XIRP2: variants seen among roughly 807,000 people sequenced by gnomAD.
XIRP2 encodes the protein xin actin binding repeat containing 2.
Under a neutral mutation model 277.0 loss-of-function variants are expected in XIRP2, and 236 were observed. The ratio of observed to expected loss-of-function variants is 0.85; its 90% confidence interval spans 0.77 to 0.95. The LOEUF (loss-of-function observed/expected upper bound fraction) is 0.95, where lower values mean the gene tolerates loss of function less well. Ranked by LOEUF, XIRP2 falls within the 40% of genes least tolerant of loss-of-function variation. The pLI, the probability that XIRP2 is intolerant of heterozygous loss-of-function variation, is 0.00. For missense variants in XIRP2, 4,640 were observed against 4,157.5 expected (o/e 1.12, Z -3.19); for synonymous variants, 1,490 against 1,416.5 (o/e 1.05, Z -1.17).
intron 2 of XIRP2, among the ~76,000 whole-genome samples, chr2:166,915,829 T>C (rs923860335): frequency 2.0e-5 from 3 of 152,178 alleles, no homozygotes; most frequent in Admixed American, 1.3e-4. Context: ...TTTACCTAAT[T>C]CTCAATAAAT....
chr2:167,201,292 G>A (rs1693706688), intron 3 of XIRP2, among the ~76,000 whole-genome samples: 1 of 150,184 alleles, frequency 6.7e-6, no homozygotes, highest in Non-Finnish European at 1.5e-5. Flanking sequence ...AAGGAAGGAG[G>A]GAGGGAGGGA....
chr2:166,891,376 T>C (rs984082918), intron 1 of XIRP2, among the ~76,000 whole-genome samples: 5 of 152,196 alleles, frequency 3.3e-5, no homozygotes, highest in Non-Finnish European at 7.3e-5. Flanking sequence ...ATCCTATTAG[T>C]GGGAAATTAA....
Position 167,049,410 on chromosome 2 carries a change from C to G in XIRP2, c.409-86499C>G, listed in dbSNP as rs1234416623. Among the ~76,000 whole-genome samples the G allele has an allele frequency of 1.3e-4, 20 of 149,926 alleles. 1 individual carries two copies. In the Admixed American group the frequency reaches 1.3e-3, roughly 10 times the overall value. ...CATTTATGTGTTATAAAAATAAGGT[C>G]TTAACAAAACAGAATAGAATAGTTT... On this transcript the variant is annotated intron_variant, in intron 2 of 10. Transcript: ENST00000409195.
At chr2:166,933,235 A>C (rs1685399353) in intron 2 of XIRP2, among the ~76,000 whole-genome samples, 1 of 149,076 alleles carries the variant, frequency 6.7e-6, no homozygotes, top group Admixed American at 6.7e-5. Flanking sequence ...TGCAAGCTCC[A>C]CCTCCCGGGT....
At chr2:167,110,065 G>A (rs896509051) in intron 2 of XIRP2, among the ~76,000 whole-genome samples, 1 of 152,042 alleles carries the variant, frequency 6.6e-6, no homozygotes, top group African/African-American at 2.4e-5. Context: ...TGTAGATTCT[G>A]TATATTAGAC....
intron 2 of XIRP2, among the ~76,000 whole-genome samples, chr2:167,059,277 A>G (rs1689118057): frequency 2.7e-5 from 4 of 149,544 alleles, no homozygotes; most frequent in Admixed American, 2.7e-4. Context: ...CTATTTTTTT[A>G]TTTTTTTATT....
chr2:167,073,370 T>C (rs1689483411), intron 2 of XIRP2, among the ~76,000 whole-genome samples: 2 of 152,164 alleles, frequency 1.3e-5, no homozygotes, highest in South Asian at 4.1e-4. Flanking sequence ...TTGTACTTTT[T>C]TAAATAGTAA....
chr2:167,215,744 G>C (rs184910287), intron 4 of XIRP2, among the ~76,000 whole-genome samples: 36 of 152,248 alleles, frequency 2.4e-4, no homozygotes, highest in African/African-American at 8.4e-4. Context: ...TCCGGGAGGA[G>C]GGAAGGCTGG....
intron 3 of XIRP2, among the ~76,000 whole-genome samples, chr2:167,159,184 G>T (rs1040067594): frequency 6.6e-6 from 1 of 152,112 alleles, no homozygotes; most frequent in Non-Finnish European, 1.5e-5. Context: ...GCTGCTGGCT[G>T]CAGTGCACTG....
At chr2:166,969,326 CTA>C (rs1686512221) in intron 2 of XIRP2, among the ~76,000 whole-genome samples, 1 of 151,898 alleles carries the variant, frequency 6.6e-6, no homozygotes, top group South Asian at 2.1e-4. Context: ...ACAATGTTTA[CTA>C]TACAAAGTGA....
At chr2:166,952,010 C>T (rs1219065901) in intron 2 of XIRP2, among the ~76,000 whole-genome samples, 1 of 152,002 alleles carries the variant, frequency 6.6e-6, no homozygotes, top group African/African-American at 2.4e-5. Context: ...GCTTCAGTTG[C>T]TTCATCTATA....
At position 167,259,182 on chromosome 2, in the gene XIRP2, A is replaced by T. The variant is rs775785505; in HGVS notation, c.*1365A>T. On this transcript the variant is annotated 3_prime_UTR_variant, in exon 11 of 11. Coordinates refer to ENST00000409195, the MANE Select transcript of XIRP2 (RefSeq NM_152381.6). ...TTGGATTTAAGGGAATTTGGAAAGG[A>T]TGTTAAACCTTGGCATGTTGAAACA... is the stretch of plus-strand genomic sequence containing the variant. 4 of 1,613,414 alleles carry T rather than the reference A, an allele frequency of 2.5e-6. No homozygotes were observed. The highest frequency in any genetic ancestry group is 4.5e-5 in the East Asian group (2 of 44,852).
intron 2 of XIRP2, among the ~76,000 whole-genome samples, chr2:167,126,197 T>TCA (rs35533380): frequency 1.0e-5 from 1 of 99,128 alleles, no homozygotes; most frequent in Admixed American, 9.3e-5. Context: ...TCTCTCTCTC[T>TCA]CACACTCTCA....
At chr2:166,900,360 G>T (rs1428609307) in intron 1 of XIRP2, among the ~76,000 whole-genome samples, 1 of 151,744 alleles carries the variant, frequency 6.6e-6, no homozygotes, top group Non-Finnish European at 1.5e-5. Context: ...TGTTTGCTAA[G>T]GCTTTCCACT....
chr2:166,945,469 C>A (rs997486273), intron 2 of XIRP2, among the ~76,000 whole-genome samples: 3 of 151,764 alleles, frequency 2.0e-5, no homozygotes, highest in South Asian at 4.2e-4. Flanking sequence ...TCAAAAAAAC[C>A]TTAAAAATCA....
intron 5 of XIRP2, among the ~76,000 whole-genome samples, chr2:167,232,909 A>G (rs1180180050): frequency 6.6e-6 from 1 of 151,906 alleles, no homozygotes; most frequent in Non-Finnish European, 1.5e-5. Flanking sequence ...CACCCACCAT[A>G]TGTCAGGCAC....
intron 2 of XIRP2, among the ~76,000 whole-genome samples, chr2:166,927,578 T>C (rs1171248785): frequency 6.6e-6 from 1 of 152,162 alleles, no homozygotes; most frequent in Non-Finnish European, 1.5e-5. Context: ...TCACATAACA[T>C]GACTCTGACC....
chr2:167,039,383 T>C (rs531040878), intron 2 of XIRP2, among the ~76,000 whole-genome samples: 2 of 152,322 alleles, frequency 1.3e-5, no homozygotes, highest in African/African-American at 2.4e-5. Flanking sequence ...GGCATTGCTG[T>C]GAACACACAC....
chr2:167,001,557 A>G (rs1305065611), intron 2 of XIRP2, among the ~76,000 whole-genome samples: 2 of 152,160 alleles, frequency 1.3e-5, no homozygotes, highest in Non-Finnish European at 1.5e-5. Context: ...AAATAACGCT[A>G]TCAGTCAGTG....
Sources: allele counts gnomAD v4.1 joint callset (sites outside exome capture counted in the v4.1 genomes callset), GRCh38; gene constraint gnomAD v4.1.1; transcripts MANE v1.5; gene names NCBI Gene and HGNC (gene_info 2026-07-23, HGNC 2026-07-21).